The following SYNPR variants were observed in gnomAD, a reference collection of about 807,000 sequenced individuals.
SYNPR encodes synaptoporin.
SYNPR carries 23 observed loss-of-function variants against 32.9 expected under a neutral mutation model. That is an observed-to-expected ratio of 0.70 (90% CI 0.50 to 0.99). The LOEUF (loss-of-function observed/expected upper bound fraction) is 0.99, where lower values mean the gene tolerates loss of function less well. Among genes scored for constraint, SYNPR ranks in the 50% least tolerant of loss-of-function variants. SYNPR has a pLI of 0.00. For synonymous variants in SYNPR, 146 were observed against 135.9 expected, an observed-to-expected ratio of 1.07 and a Z score of -0.52; for missense variants, 318 against 349.3, an observed-to-expected ratio of 0.91 and a Z score of 0.71.
chr3:63,528,569 C>G (rs1702057737), intron 3 of SYNPR, among the ~76,000 whole-genome samples: 1 of 152,096 alleles, frequency 6.6e-6, no homozygotes, highest in Non-Finnish European at 1.5e-5. Context: ...AACACTAAAA[C>G]GTGTTGTTTG....
chr3:63,388,024 T>C (rs769127628), intron 2 of SYNPR, among the ~76,000 whole-genome samples: 6 of 152,112 alleles, frequency 3.9e-5, no homozygotes, highest in Non-Finnish European at 5.9e-5. Context: ...ACAGGAAAGA[T>C]AGCAGCTGAG....
intron 4 of SYNPR, among the ~76,000 whole-genome samples, chr3:63,568,365 G>T (rs1202874364): frequency 6.6e-6 from 1 of 152,136 alleles, no homozygotes; most frequent in African/African-American, 2.4e-5. Flanking sequence ...TGGAAGTGGA[G>T]AAAAAAGCCA....
chr3:63,286,743 C>T (rs1305732147), intron 2 of SYNPR, among the ~76,000 whole-genome samples: 1 of 152,156 alleles, frequency 6.6e-6, no homozygotes, highest in Non-Finnish European at 1.5e-5. Context: ...AATGTACTAG[C>T]TTAGGCTCCT....
Position 63,335,352 on chromosome 3 carries a change from CAAAAAA to C in SYNPR, c.84+56627_84+56632del, listed in dbSNP as rs35394118. ...TGGGCAACAGAGCGAGACTCCGTCT[CAAAAAA>C]AAAAAAAAAAAAAAAATGGCAAAAA... is the stretch of plus-strand genomic sequence containing the variant. On this transcript the variant is annotated intron_variant, in intron 2 of 5. Coordinates refer to ENST00000478300, the MANE Select transcript of SYNPR (RefSeq NM_001130003.2). Among the ~76,000 whole-genome samples, 50 of 84,948 alleles carry C rather than the reference CAAAAAA, an allele frequency of 5.9e-4. No individual in the cohort carries two copies. In the South Asian group the frequency reaches 0.021, roughly 36 times the overall value. The allele number at this position is 84,948 out of a possible 152,430, so 55.7% of individuals were successfully genotyped here. A position where few individuals can be genotyped will look rare whatever the true frequency, so the allele number is the denominator to read the frequency against.
intron 2 of SYNPR, among the ~76,000 whole-genome samples, chr3:63,315,502 T>C (rs916475028): frequency 6.6e-6 from 1 of 151,946 alleles, no homozygotes. Flanking sequence ...TTGCAGCTAT[T>C]GTAAAAGGGG....
chr3:63,417,328 T>C (rs571676258), intron 2 of SYNPR, among the ~76,000 whole-genome samples: 147 of 152,354 alleles, frequency 9.6e-4, no homozygotes, highest in African/African-American at 3.1e-3. Flanking sequence ...TGGATTCCTA[T>C]GGTCTTGGGA....
intron 2 of SYNPR, among the ~76,000 whole-genome samples, chr3:63,351,890 A>G (rs989656303): frequency 1.3e-5 from 2 of 152,228 alleles, no homozygotes; most frequent in Non-Finnish European, 2.9e-5. Context: ...TGACTCAGAT[A>G]CTGAGAACTG....
At chr3:63,433,239 GA>G (rs1365943903) in intron 2 of SYNPR, among the ~76,000 whole-genome samples, 3 of 152,138 alleles carry the variant, frequency 2.0e-5, no homozygotes, top group Non-Finnish European at 4.4e-5. Flanking sequence ...AAAATGAGAG[GA>G]AAAGTGTTGC....
At chr3:63,223,775 A>C (rs1575568889), upstream of SYNPR, among the ~76,000 whole-genome samples, 1 of 151,938 alleles carries the variant, frequency 6.6e-6, no homozygotes, top group African/African-American at 2.4e-5. Flanking sequence ...TTCTCTCACT[A>C]TGTCATTTAA....
intron 2 of SYNPR, among the ~76,000 whole-genome samples, chr3:63,478,808 G>T (rs1390509568): frequency 6.6e-6 from 1 of 152,168 alleles, no homozygotes; most frequent in Admixed American, 6.5e-5. Flanking sequence ...TGGGGCTTTC[G>T]ACTCCATCAT....
intron 2 of SYNPR, among the ~76,000 whole-genome samples, chr3:63,451,510 G>A (rs11920956): frequency 0.58 from 88,815 of 151,990 alleles, 26,707 homozygotes; most frequent in East Asian, 0.88. Flanking sequence ...CATCTTAGTA[G>A]TGCCCCTGAA....
intron 2 of SYNPR, among the ~76,000 whole-genome samples, chr3:63,331,653 G>A (rs930476852): frequency 6.6e-6 from 1 of 151,914 alleles, no homozygotes; most frequent in African/African-American, 2.4e-5. Context: ...TTTACTTGAG[G>A]AACTTAAAAA....
chr3:63,289,990 C>A (rs553138047), intron 2 of SYNPR, among the ~76,000 whole-genome samples: 1 of 151,902 alleles, frequency 6.6e-6, no homozygotes. Context: ...ATTAGCCGGG[C>A]GTGGTGGCGG....
the SYNPR span, among the ~76,000 whole-genome samples, chr3:63,204,464 T>C: frequency 1.3e-5 from 2 of 152,184 alleles, no homozygotes; most frequent in Non-Finnish European, 2.9e-5. Context: ...CATGATCTCA[T>C]CTTAATCAGT....
chr3:63,600,698 C>A (rs1213217307), intron 4 of SYNPR, among the ~76,000 whole-genome samples: 5 of 152,174 alleles, frequency 3.3e-5, no homozygotes, highest in African/African-American at 1.2e-4. Flanking sequence ...ATTTCCCCTG[C>A]TTTCACTTCT....
intron 1 of SYNPR, among the ~76,000 whole-genome samples, chr3:63,252,136 TGAA>T (rs2086338363): frequency 6.6e-6 from 1 of 152,064 alleles, no homozygotes; most frequent in African/African-American, 2.4e-5. Flanking sequence ...AAAGACAAGG[TGAA>T]GAACAATTTG....
intron 2 of SYNPR, among the ~76,000 whole-genome samples, chr3:63,364,220 C>G (rs1405309757): frequency 1.3e-5 from 2 of 152,104 alleles, no homozygotes; most frequent in Non-Finnish European, 2.9e-5. Flanking sequence ...TAAATCAGTT[C>G]ATTTATCTTA....
At chr3:63,254,162 G>T (rs942968242) in intron 2 of SYNPR, among the ~76,000 whole-genome samples, 1 of 152,070 alleles carries the variant, frequency 6.6e-6, no homozygotes, top group Non-Finnish European at 1.5e-5. Flanking sequence ...ACACCGGGGC[G>T]TGTTGTGGGG....
intron 3 of SYNPR, among the ~76,000 whole-genome samples, chr3:63,502,914 T>C (rs2106739594): frequency 6.6e-6 from 1 of 152,310 alleles, no homozygotes; most frequent in Admixed American, 6.5e-5. Context: ...TCTAGGATTA[T>C]GAATGAAGCT....
Sources: allele counts gnomAD v4.1 joint callset (sites outside exome capture counted in the v4.1 genomes callset), GRCh38; gene constraint gnomAD v4.1.1; transcripts MANE v1.5; gene names NCBI Gene and HGNC (gene_info 2026-07-23, HGNC 2026-07-21).